Variants in EPHA6 observed in about 807,000 individuals in gnomAD.
EPHA6 encodes EPH receptor A6.
Under a neutral mutation model 112.0 loss-of-function variants are expected in EPHA6, and 50 were observed. That is an observed-to-expected ratio of 0.45 (90% confidence interval 0.36 to 0.56). EPHA6 has a LOEUF of 0.56. Among genes scored for constraint, EPHA6 ranks in the 20% least tolerant of loss-of-function variants. The pLI, the probability that EPHA6 is intolerant of heterozygous loss-of-function variation, is 0.00. For synonymous variants in EPHA6, 529 were observed against 490.7 expected, an observed-to-expected ratio of 1.08 and a Z score of -1.03; for missense variants, 1,280 against 1,417.4, an observed-to-expected ratio of 0.90 and a Z score of 1.56.
intron 3 of EPHA6, among the ~76,000 whole-genome samples, chr3:97,023,181 C>T (rs1327225387): frequency 6.6e-6 from 1 of 152,156 alleles, no homozygotes; most frequent in Non-Finnish European, 1.5e-5. Flanking sequence ...TGTTTTCAAG[C>T]AATTCTCCTG....
intron 1 of EPHA6, among the ~76,000 whole-genome samples, chr3:96,829,945 G>GCGCA (rs1553713385): frequency 6.9e-5 from 6 of 86,968 alleles, no homozygotes; most frequent in African/African-American, 1.9e-4. Context: ...ATGTGCGCGC[G>GCGCA]CGCGCACACA....
At chr3:97,163,953 T>C (rs1266581338) in intron 3 of EPHA6, among the ~76,000 whole-genome samples, 1 of 152,184 alleles carries the variant, frequency 6.6e-6, no homozygotes, top group African/African-American at 2.4e-5. Context: ...TTTTAACAAT[T>C]TCAATTCTGC....
At chr3:97,228,953 G>T (rs547783025) in intron 4 of EPHA6, among the ~76,000 whole-genome samples, 1 of 152,156 alleles carries the variant, frequency 6.6e-6, no homozygotes, top group Admixed American at 6.5e-5. Flanking sequence ...GTTTTGATTT[G>T]CATTTCCTTG....
intron 11 of EPHA6, among the ~76,000 whole-genome samples, chr3:97,538,982 T>TC (rs912775394): frequency 9.6e-5 from 3 of 31,348 alleles, no homozygotes; most frequent in African/African-American, 5.4e-4. Context: ...ACTTTCTCTC[T>TC]CTTTCTTTCT....
intron 5 of EPHA6, among the ~76,000 whole-genome samples, chr3:97,249,356 G>A (rs75021162): frequency 0.036 from 5,433 of 152,174 alleles, 303 homozygotes; most frequent in African/African-American, 0.12. Flanking sequence ...ATCATGATTA[G>A]TAATGATTGC....
chr3:96,915,648 A>G (rs10511159), intron 2 of EPHA6, among the ~76,000 whole-genome samples: 11,025 of 152,166 alleles, frequency 0.072, 783 homozygotes, highest in Admixed American at 0.21. Context: ...TTAAATAAAA[A>G]TATGCGTCAT....
chr3:97,455,343 T>G (rs779741040), intron 7 of EPHA6, among the ~76,000 whole-genome samples: 1 of 151,976 alleles, frequency 6.6e-6, no homozygotes, highest in Non-Finnish European at 1.5e-5. Context: ...TATGCCAATT[T>G]TACAGATCAA....
At position 97,249,205 on chromosome 3, in the gene EPHA6, A is replaced by G. The variant is rs146547986; in HGVS notation, c.1606+4918A>G. Among the ~76,000 whole-genome samples, 599 of 152,260 alleles carry G rather than the reference A, an allele frequency of 3.9e-3. 2 individuals carry two copies. Among genetic ancestry groups the G allele is most frequent in the Non-Finnish European group, 5.4e-3 (365 of 67,966 alleles). ...TATTTGTATTTTCCATATTTCTTATACATAGGCAAATTATATATTCAAAAG... is the reference window on the plus strand; with the variant it reads ...TATTTGTATTTTCCATATTTCTTATGCATAGGCAAATTATATATTCAAAAG... On this transcript the variant is annotated intron_variant, in intron 5 of 17. Coordinates refer to ENST00000389672, the MANE Select transcript of EPHA6 (RefSeq NM_001080448.3).
intron 11 of EPHA6, among the ~76,000 whole-genome samples, chr3:97,566,171 T>C (rs1204138812): frequency 1.3e-5 from 2 of 152,038 alleles, no homozygotes; most frequent in Non-Finnish European, 2.9e-5. Context: ...GCAAGAGTGG[T>C]AGCAACAGAT....
chr3:97,681,668 G>A (rs7649384), intron 14 of EPHA6, among the ~76,000 whole-genome samples: 3,442 of 152,074 alleles, frequency 0.023, 60 homozygotes, highest in Non-Finnish European at 0.038. Context: ...TTGAATAAAC[G>A]AATCTGTGAC....
chr3:97,429,315 T>C (rs2089354821), intron 6 of EPHA6, among the ~76,000 whole-genome samples: 1 of 152,160 alleles, frequency 6.6e-6, no homozygotes. Flanking sequence ...CTTTGAATCC[T>C]TTATTCATTT....
chr3:96,900,597 A>G (rs1250712687), intron 2 of EPHA6, among the ~76,000 whole-genome samples: 1 of 152,222 alleles, frequency 6.6e-6, no homozygotes, highest in Non-Finnish European at 1.5e-5. Flanking sequence ...AGGAACAGAG[A>G]ATACGGCTGT....
intron 14 of EPHA6, among the ~76,000 whole-genome samples, chr3:97,649,636 A>G (rs1274398168): frequency 2.6e-5 from 4 of 152,108 alleles, no homozygotes; most frequent in African/African-American, 4.8e-5. Context: ...CTTATTTTTC[A>G]GTAAAAAAGG....
intron 5 of EPHA6, among the ~76,000 whole-genome samples, chr3:97,265,181 CA>C (rs2079633553): frequency 6.6e-6 from 1 of 152,062 alleles, no homozygotes; most frequent in South Asian, 2.1e-4. Flanking sequence ...TGAGTGGGCC[CA>C]AAAAAGGTAT....
At chr3:96,937,923 C>G (rs1165344050) in intron 2 of EPHA6, among the ~76,000 whole-genome samples, 2 of 151,544 alleles carry the variant, frequency 1.3e-5, no homozygotes, top group Admixed American at 6.6e-5. Flanking sequence ...GTTGTAGATA[C>G]GCGGCATTAT....
At chr3:97,492,506 C>CACT (rs570543167) in intron 10 of EPHA6, among the ~76,000 whole-genome samples, 32 of 125,206 alleles carry the variant, frequency 2.6e-4, no homozygotes, top group African/African-American at 7.7e-4. Flanking sequence ...AGTGCCACTG[C>CACT]ACTCCATCCT....
intron 14 of EPHA6, among the ~76,000 whole-genome samples, chr3:97,670,784 T>A (rs1005657072): frequency 2.0e-5 from 3 of 152,226 alleles, no homozygotes; most frequent in African/African-American, 7.2e-5. Context: ...AGGTCCTTTG[T>A]AAATCACCGT....
intron 3 of EPHA6, among the ~76,000 whole-genome samples, chr3:97,213,898 A>G (rs2077950650): frequency 6.6e-6 from 1 of 152,022 alleles, no homozygotes; most frequent in South Asian, 2.1e-4. Context: ...TGTTTATTCA[A>G]CGGGAAGTTC....
At chr3:97,674,835 A>G (rs759872041) in intron 14 of EPHA6, among the ~76,000 whole-genome samples, 1 of 152,082 alleles carries the variant, frequency 6.6e-6, no homozygotes, top group Non-Finnish European at 1.5e-5. Context: ...TTCTCTGTCT[A>G]TTTGGAGGCT....
Sources: allele counts gnomAD v4.1 joint callset (sites outside exome capture counted in the v4.1 genomes callset), GRCh38; gene constraint gnomAD v4.1.1; transcripts MANE v1.5; gene names NCBI Gene and HGNC (gene_info 2026-07-23, HGNC 2026-07-21).